Variants in KIR3DL1 observed in about 807,000 individuals in gnomAD.
KIR3DL1 encodes killer cell immunoglobulin-like receptor 3DL1.
In KIR3DL1, 50 loss-of-function variants were observed where a neutral mutation model predicts 40.3. That is an observed-to-expected ratio of 1.24 (90% CI 0.99 to 1.57). The LOEUF (loss-of-function observed/expected upper bound fraction) is 1.57, where lower values mean the gene tolerates loss of function less well. Ranked by LOEUF, KIR3DL1 falls within the 40% of genes most tolerant of loss-of-function variation. The pLI is 0.00. For synonymous variants in KIR3DL1, 257 were observed against 207.2 expected, an observed-to-expected ratio of 1.24 and a Z score of -2.07; for missense variants, 661 against 559.9, an observed-to-expected ratio of 1.18 and a Z score of -1.82.
chr19:54,820,119 T>G (rs34827252), intron 4 of KIR3DL1, 107 bp downstream of exon 4: 1 of 1,214,822 alleles, frequency 8.2e-7, no homozygotes, highest in African/African-American at 1.5e-5. Context: ...GGGATTCTTA[T>G]GGAAAGAGAG....
chr19:54,822,133 G>A (rs2061671672), intron 5 of KIR3DL1, among the ~76,000 whole-genome samples: 1 of 151,120 alleles, frequency 6.6e-6, no homozygotes, highest in African/African-American at 2.4e-5. Context: ...AGTTTGGGGA[G>A]ATCAGAGGTT....
In KIR3DL1 at chr19:54,825,443, G is replaced by A. The variant is rs2061834949; in HGVS notation, c.1000+365G>A. On this transcript the variant is annotated intron_variant, in intron 6 of 8. Coordinates refer to ENST00000391728, the Ensembl canonical transcript of KIR3DL1. ...TCTGATGAGGGCGAGGTGTTTTAGA[G>A]AAGTTCCACTTGCCAAGGAATGAAT... Among the ~76,000 whole-genome samples the A allele has an allele frequency of 1.3e-5, 2 of 150,340 alleles. 1 individual carries two copies. The highest frequency in any genetic ancestry group is 5.0e-5 in the African/African-American group (2 of 40,322).
exon 4 of KIR3DL1, chr19:54,819,979 G>C (rs1182774591): frequency 7.4e-6 from 12 of 1,611,118 alleles, no homozygotes; most frequent in Non-Finnish European, 8.5e-6. Context: ...TCAGTTGTCA[G>C]CTCCCAGTGA....
chr19:54,818,171 G>A (rs1237318208), intron 2 of KIR3DL1, 144 bp from the exon 3 acceptor site: 18 of 731,088 alleles, frequency 2.5e-5, no homozygotes, highest in Non-Finnish European at 3.7e-5. Flanking sequence ...CCAAGTCTAT[G>A]CAGGATGGGT....
chr19:54,821,918 T>C, intron 5 of KIR3DL1, 60 bp downstream of exon 5: 3 of 1,537,390 alleles, frequency 2.0e-6, no homozygotes, highest in Non-Finnish European at 2.7e-6. Context: ...CTAAGGAGCT[T>C]CCTGCTGATG....
chr19:54,827,734 T>G (rs1270844345), intron 6 of KIR3DL1, among the ~76,000 whole-genome samples: 1 of 150,862 alleles, frequency 6.6e-6, no homozygotes. Context: ...CTTTATCTTA[T>G]CCATTAGGCA....
intron 3 of KIR3DL1, 133 bp downstream of exon 3, chr19:54,818,732 G>A: frequency 1.7e-6 from 2 of 1,172,516 alleles, no homozygotes; most frequent in Admixed American, 2.4e-5. Flanking sequence ...GAATACAGGG[G>A]AAATGGGTGC....
At chr19:54,821,607 A>G (rs370318494) in exon 5 of KIR3DL1, 12 of 1,608,008 alleles carry the variant, frequency 7.5e-6, no homozygotes, top group African/African-American at 5.4e-5. Flanking sequence ...CCGGGCCCCA[A>G]GGTTCAGGCA....
chr19:54,821,320 G>C (rs1432436244), intron 4 of KIR3DL1, among the ~76,000 whole-genome samples: 3 of 150,856 alleles, frequency 2.0e-5, no homozygotes, highest in Non-Finnish European at 4.4e-5. Flanking sequence ...ATCCAAGGAG[G>C]GTCAGAGAGA....
chr19:54,823,091 G>A (rs1478669938), intron 5 of KIR3DL1, among the ~76,000 whole-genome samples: 3 of 149,976 alleles, frequency 2.0e-5, no homozygotes, highest in Non-Finnish European at 4.4e-5. Flanking sequence ...TGGAGTCTAA[G>A]TGGTGAGATC....
chr19:54,817,130 G>A (rs1204797965), intron 1 of KIR3DL1, among the ~76,000 whole-genome samples: 1 of 149,094 alleles, frequency 6.7e-6, no homozygotes, highest in African/African-American at 2.5e-5. Context: ...TATGGGCCTG[G>A]AGAGGAGATA....
Position 54,819,946 on chromosome 19 carries a change from G to T in KIR3DL1, c.589G>T (p.Gly197Cys), listed in dbSNP as rs374824552. ...CCTTGCAGGGACCTACAGATGCTACGGTTCTGTTACTCACACCCCCTATCA... is the reference window on the plus strand; with the variant it reads ...CCTTGCAGGGACCTACAGATGCTACTGTTCTGTTACTCACACCCCCTATCA... The change falls in exon 4 of 9, where the codon GGT (glycine) becomes TGT (cysteine). Residue 197 changes from glycine to cysteine, a missense_variant. Gly to Cys is a radical substitution (Grantham distance 159). Coordinates refer to ENST00000391728, the Ensembl canonical transcript of KIR3DL1. 12 of 1,611,854 alleles carry T rather than the reference G, an allele frequency of 7.4e-6. No individual in the cohort carries two copies. The highest frequency in any genetic ancestry group is 9.3e-6 in the Non-Finnish European group (11 of 1,179,464).
At chr19:54,818,478 G>A (rs775420400) in exon 3 of KIR3DL1, 6 of 1,609,948 alleles carry the variant, frequency 3.7e-6, no homozygotes, top group Non-Finnish European at 4.2e-6. Context: ...TATTCCAGGA[G>A]AGCTTCAACA....
rs773493726 is a variant in KIR3DL1, at chr19:54,821,992, G to A, written c.949+134G>A. 1.3e-3 allele frequency: 1,388 copies of A among 1,092,070 alleles called. 30 individuals carry two copies. The highest frequency in any genetic ancestry group is 4.2e-3 in the South Asian group (312 of 73,942). 67.6% of individuals were successfully genotyped at this position (1,092,070 alleles called of 1,614,324 possible). A position where few individuals can be genotyped will look rare whatever the true frequency, so the allele number is the denominator to read the frequency against. Reference sequence around the variant, plus strand: ...GCAGGTGTGAGGGCGGAGTCAGGGCGCAGGATGGCAGACAGGGCACCTCCA... The same window carrying A: ...GCAGGTGTGAGGGCGGAGTCAGGGCACAGGATGGCAGACAGGGCACCTCCA... On this transcript the variant is annotated intron_variant, in intron 5 of 8. Coordinates refer to ENST00000391728, the Ensembl canonical transcript of KIR3DL1.
At chr19:54,826,167 C>T (rs1601405193) in intron 6 of KIR3DL1, among the ~76,000 whole-genome samples, 4 of 150,592 alleles carry the variant, frequency 2.7e-5, no homozygotes, top group Admixed American at 6.6e-5. Flanking sequence ...CTGCCTTCCA[C>T]GAACGGTGAA....
Position 54,818,552 on chromosome 19 carries a change from C to T in KIR3DL1, c.308C>T (p.Pro103Leu), listed in dbSNP as rs375462085. Residue 103 changes from proline to leucine, a missense_variant, in exon 3 of 9, where the codon CCC becomes CTC. Physicochemically the swap from Pro to Leu is moderately conservative, Grantham distance 98. This residue lies in a region of KIR3DL1 where 548 missense variants were observed against 413.3 expected (regional missense o/e 1.33). Transcript: ENST00000391728. Reference sequence around the variant, plus strand: ...TGTCGGGGTTCACACCCACACTCCCCCACTGGGTGGTCGGCACCCAGCAAC... The same window carrying T: ...TGTCGGGGTTCACACCCACACTCCCTCACTGGGTGGTCGGCACCCAGCAAC... 51 of 1,611,266 alleles carry T rather than the reference C, an allele frequency of 3.2e-5. No individual in the cohort carries two copies. Among genetic ancestry groups the T allele is most frequent in the East Asian group, 3.1e-4 (14 of 44,828 alleles).
At chr19:54,817,398 G>A in intron 1 of KIR3DL1, 136 bp from the exon 2 acceptor site, 2 of 764,732 alleles carry the variant, frequency 2.6e-6, no homozygotes, top group Non-Finnish European at 2.3e-6. Context: ...TTGTTCCTGG[G>A]GGCAGGTAGG....
At chr19:54,819,175 A>C (rs1481629636) in intron 3 of KIR3DL1, among the ~76,000 whole-genome samples, 1 of 150,984 alleles carries the variant, frequency 6.6e-6, no homozygotes, top group Non-Finnish European at 1.5e-5. Flanking sequence ...GGAAGGGGTC[A>C]GTGTGTTCTC....
intron 4 of KIR3DL1, among the ~76,000 whole-genome samples, chr19:54,820,550 T>A (rs1470185919): frequency 1.3e-5 from 2 of 151,416 alleles, no homozygotes; most frequent in African/African-American, 2.4e-5. Flanking sequence ...CTGTGTGAAC[T>A]TGGGGTCCCC....
Sources: gnomAD v4.1 joint callset for allele counts (sites outside exome capture counted in the v4.1 genomes callset) on GRCh38, gnomAD v4.1.1 for gene constraint, gnomAD v4.1.1 regional missense constraint, MANE v1.5 for transcripts, NCBI Gene and HGNC (gene_info 2026-07-23, HGNC 2026-07-21) for gene names.